The following LRP1B variants were observed in gnomAD, a reference collection of about 807,000 sequenced individuals.
The protein encoded by LRP1B is low-density lipoprotein receptor-related protein 1B.
A neutral mutation model predicts 556.6 loss-of-function variants in LRP1B; 217 were observed. The observed-to-expected ratio is 0.39, with a 90% CI of 0.35 to 0.44. The LOEUF is 0.44. Among genes scored for constraint, LRP1B ranks in the 20% least tolerant of loss-of-function variants. LRP1B has a pLI of 1.00. For synonymous variants in LRP1B, 2,047 were observed against 1,865.8 expected (o/e 1.10, Z -2.50); for missense variants, 5,053 against 5,620.8 (o/e 0.90, Z 3.23).
intron 3 of LRP1B, among the ~76,000 whole-genome samples, chr2:141,328,143 C>G (rs997347983): frequency 6.6e-6 from 1 of 152,148 alleles, no homozygotes; most frequent in African/African-American, 2.4e-5. Flanking sequence ...TATCTGTAAT[C>G]TATCTACCTA....
At chr2:141,464,488 C>T (rs934690959) in intron 3 of LRP1B, among the ~76,000 whole-genome samples, 1 of 150,344 alleles carries the variant, frequency 6.7e-6, no homozygotes, top group Non-Finnish European at 1.5e-5. Context: ...TCTCGGCTCA[C>T]TGCAAGCTCT....
chr2:140,345,843 TACACAC>T (rs201538692), intron 77 of LRP1B, among the ~76,000 whole-genome samples: 14 of 133,174 alleles, frequency 1.1e-4, no homozygotes, highest in South Asian at 2.3e-4. Flanking sequence ...TATATACACA[TACACAC>T]ACACACACAC....
chr2:141,936,839 T>TA (rs750264216), intron 1 of LRP1B, among the ~76,000 whole-genome samples: 2 of 152,084 alleles, frequency 1.3e-5, no homozygotes, highest in African/African-American at 2.4e-5. Context: ...CATAATATGA[T>TA]ATAGTTACAT....
intron 41 of LRP1B, among the ~76,000 whole-genome samples, chr2:140,608,828 T>C (rs944714692): frequency 3.1e-5 from 4 of 127,672 alleles, no homozygotes; most frequent in African/African-American, 7.1e-5. Flanking sequence ...AGTGATTTGT[T>C]TCTTTGTTTG....
At chr2:141,568,094 C>T (rs568073453) in intron 2 of LRP1B, among the ~76,000 whole-genome samples, 3 of 150,966 alleles carry the variant, frequency 2.0e-5, no homozygotes, top group Non-Finnish European at 4.5e-5. Context: ...GACTTGCTTG[C>T]TGCTCCTTAA....
intron 84 of LRP1B, among the ~76,000 whole-genome samples, chr2:140,295,103 C>G (rs951545383): frequency 6.6e-6 from 1 of 152,008 alleles, no homozygotes; most frequent in Non-Finnish European, 1.5e-5. Context: ...TGGTCTCGAC[C>G]TCCTGACCTC....
At chr2:142,101,317 C>T (rs898117029) in intron 1 of LRP1B, among the ~76,000 whole-genome samples, 18 of 152,046 alleles carry the variant, frequency 1.2e-4, no homozygotes, top group African/African-American at 4.3e-4. Flanking sequence ...GTTTAGGTAA[C>T]ATGTGAGTTA....
chr2:141,295,688 C>A (rs2105418659), intron 3 of LRP1B, among the ~76,000 whole-genome samples: 1 of 150,220 alleles, frequency 6.7e-6, no homozygotes, highest in Non-Finnish European at 1.5e-5. Flanking sequence ...TTTCCCTAGT[C>A]ATCTCCTGTC....
intron 1 of LRP1B, among the ~76,000 whole-genome samples, chr2:142,045,558 G>A (rs1056166828): frequency 6.6e-6 from 1 of 151,710 alleles, no homozygotes; most frequent in African/African-American, 2.4e-5. Context: ...TCTGCATTTT[G>A]TTTGCTCAAT....
chr2:140,234,879 C>A lies in LRP1B; in HGVS notation c.13566G>T (p.Arg4522Ser), dbSNP rs1573661183. The change falls in exon 90 of 91, where the codon AGG (arginine) becomes AGT (serine). Residue 4522 changes from arginine (R) to serine (S), a missense_variant. By Grantham distance (110) the Arg-to-Ser change is moderately radical (BLOSUM62 -1). Transcript: ENST00000389484. ...PGFMIDPTKA[R>S]YIGGGPSAFK... is the part of the protein sequence containing the mutation. Reference sequence around the variant, plus strand: ...AAGCACTGGGTCCTCCCCCTATGTACCTGGCCTGTATATAAACAGAAAATT... The same window carrying A: ...AAGCACTGGGTCCTCCCCCTATGTAACTGGCCTGTATATAAACAGAAAATT... The A allele has an allele frequency of 1.3e-6, 1 of 774,170 alleles. No homozygotes were observed. The highest frequency in any genetic ancestry group is 2.3e-4 in the Middle Eastern group (1 of 4,388). The allele number at this position is 774,170 out of a possible 1,614,324, so 48.0% of individuals were successfully genotyped here.
intron 3 of LRP1B, among the ~76,000 whole-genome samples, chr2:141,302,535 C>T: frequency 6.6e-6 from 1 of 152,006 alleles, no homozygotes; most frequent in Non-Finnish European, 1.5e-5. Context: ...TTTTTAATTT[C>T]TCATGTTGAC....
rs34349726 is a variant in LRP1B at position 140,861,028 on chromosome 2, A to ATCT, written c.4579+6561_4579+6562insAGA. On this transcript the variant is annotated intron_variant, in intron 27 of 90. Coordinates refer to ENST00000389484, the MANE Select transcript of LRP1B (RefSeq NM_018557.3). Reference sequence around the variant, plus strand: ...TATCTATCTATCTATCTATCTATCTAATTTATCTAATTTATCTATTTAAGT... The same window carrying ATCT: ...TATCTATCTATCTATCTATCTATCTATCTATTTATCTAATTTATCTATTTAAGT... Among the ~76,000 whole-genome samples the ATCT allele has an allele frequency of 2.2e-5, 3 of 139,174 alleles. No individual in the cohort carries two copies. The South Asian group carries it at 6.8e-4, about 32-fold the overall frequency. The allele number at this position is 139,174 out of a possible 152,430, so 91.3% of individuals were successfully genotyped here. A position where few individuals can be genotyped will look rare whatever the true frequency, so the allele number is the denominator to read the frequency against.
At chr2:142,060,967 C>T (rs1704883603) in intron 1 of LRP1B, among the ~76,000 whole-genome samples, 1 of 151,798 alleles carries the variant, frequency 6.6e-6, no homozygotes, top group Non-Finnish European at 1.5e-5. Flanking sequence ...CTAGAGTAAG[C>T]TTTTAAGGAA....
chr2:140,400,607 G>A (rs529076291), intron 66 of LRP1B, among the ~76,000 whole-genome samples: 1 of 152,296 alleles, frequency 6.6e-6, no homozygotes, highest in South Asian at 2.1e-4. Context: ...ATTGAAGGTG[G>A]CAGACTGGAA....
chr2:140,451,234 G>A (rs1009853579), intron 62 of LRP1B, among the ~76,000 whole-genome samples: 2 of 152,064 alleles, frequency 1.3e-5, no homozygotes, highest in African/African-American at 2.4e-5. Context: ...AATAAATCAC[G>A]GCCCCAGCCC....
intron 3 of LRP1B, among the ~76,000 whole-genome samples, chr2:141,348,966 G>A (rs1439708209): frequency 6.6e-6 from 1 of 151,838 alleles, no homozygotes; most frequent in Admixed American, 6.6e-5. Context: ...GATGTGACTT[G>A]TTTCTCCTTG....
At chr2:140,454,684 T>G (rs1687025042) in intron 62 of LRP1B, among the ~76,000 whole-genome samples, 1 of 152,194 alleles carries the variant, frequency 6.6e-6, no homozygotes, top group Non-Finnish European at 1.5e-5. Flanking sequence ...AGATAAATAA[T>G]TCTTTCAGGG....
At chr2:140,324,834 A>C (rs1360532030) in intron 80 of LRP1B, among the ~76,000 whole-genome samples, 2 of 151,044 alleles carry the variant, frequency 1.3e-5, no homozygotes, top group Non-Finnish European at 3.0e-5. Context: ...AGCCAGAACA[A>C]GTTAACTTCA....
At chr2:140,238,087 C>A (rs1371452379) in intron 89 of LRP1B, 65 bp downstream of exon 89, 7 of 1,424,020 alleles carry the variant, frequency 4.9e-6, no homozygotes, top group South Asian at 1.4e-5. Flanking sequence ...AAATTCAGAA[C>A]CATAAAACAG....
Sources: gnomAD v4.1 joint callset for allele counts (sites outside exome capture counted in the v4.1 genomes callset) on GRCh38, gnomAD v4.1.1 for gene constraint, MANE v1.5 for transcripts, NCBI Gene and HGNC (gene_info 2026-07-23, HGNC 2026-07-21) for gene names.